The following DMD variants were observed in gnomAD, a reference collection of about 807,000 sequenced individuals.
The protein encoded by DMD is dystrophin, also known as mutant dystrophin.
DMD carries 63 observed loss-of-function variants against 330.1 expected under a neutral mutation model. The observed-to-expected ratio is 0.19, with a 90% CI of 0.16 to 0.24. The LOEUF (loss-of-function observed/expected upper bound fraction) is 0.24, where lower values mean the gene tolerates loss of function less well. DMD is among the 10% of genes least tolerant of loss of function. The pLI is 1.00. For synonymous variants in DMD, 1,223 were observed against 959.8 expected (o/e 1.27, Z -5.07); for missense variants, 3,344 against 2,684.1 (o/e 1.25, Z -5.43).
In DMD at chrX:33,136,389, G is replaced by A. The variant is rs770856640; in HGVS notation, c.31+74893C>T. On this transcript the variant is annotated intron_variant, in intron 1 of 78. Coordinates refer to ENST00000357033, the MANE Select transcript of DMD (RefSeq NM_004006.3). ...ATGCATACATTGTTAATGGAACAAT[G>A]CTGGGATACTAGATCGAAGAAGTAT... Among the ~76,000 whole-genome samples the A allele has an allele frequency of 2.1e-3, 209 of 99,902 alleles. 1 individual carries two copies. Among genetic ancestry groups the A allele is most frequent in the African/African-American group, 7.1e-3 (190 of 26,605 alleles). The allele number at this position is 99,902 out of a possible 115,157, so 86.8% of individuals were successfully genotyped here. A position where few individuals can be genotyped will look rare whatever the true frequency, so the allele number is the denominator to read the frequency against.
chrX:32,438,298 C>T lies in DMD; in HGVS notation c.4014G>A (p.Glu1338=), dbSNP rs752324539. The T allele has an allele frequency of 3.3e-6, 4 of 1,211,436 alleles. No homozygotes were observed. In the Middle Eastern group the frequency reaches 6.9e-4, roughly 209 times the overall value. Residue 1338 remains glutamate, a synonymous_variant, in exon 29 of 79, where the codon GAG becomes GAA. Transcript: ENST00000357033. The part of the protein sequence containing the change: ...QTLTDGGVMD[E]LINEELETFN... ...ATGTCTCAAGTTCCTCATTGATTAGCTCATCCATGACTCCGCCATCTGTTA... is the reference window on the plus strand; with the variant it reads ...ATGTCTCAAGTTCCTCATTGATTAGTTCATCCATGACTCCGCCATCTGTTA...
intron 7 of DMD, among the ~76,000 whole-genome samples, chrX:32,737,123 C>G (rs1211253167): frequency 9.1e-6 from 1 of 109,859 alleles, no homozygotes; most frequent in Admixed American, 9.7e-5. Context: ...ACCACCACCA[C>G]CAACAGCAAC....
At chrX:31,623,842 C>G (rs1420159056) in intron 55 of DMD, among the ~76,000 whole-genome samples, 4 of 110,990 alleles carry the variant, frequency 3.6e-5, no homozygotes, top group African/African-American at 1.3e-4. Context: ...AATTACACCA[C>G]CTTTATGAAC....
At chrX:31,749,237 C>T (rs2088179161) in intron 51 of DMD, among the ~76,000 whole-genome samples, 2 of 106,681 alleles carry the variant, frequency 1.9e-5, no homozygotes, top group Admixed American at 2.0e-4. Flanking sequence ...TGGCACGCTG[C>T]ACCCACTAAC....
At chrX:31,285,353 G>A (rs898193060) in intron 62 of DMD, among the ~76,000 whole-genome samples, 6 of 112,096 alleles carry the variant, frequency 5.4e-5, no homozygotes, top group African/African-American at 1.9e-4. Context: ...GTCCATGGAG[G>A]TGCCATTCTG....
chrX:32,396,675 C>T (rs896727466), intron 30 of DMD, among the ~76,000 whole-genome samples: 2 of 111,192 alleles, frequency 1.8e-5, no homozygotes, highest in African/African-American at 6.5e-5. Context: ...ATATACTTAA[C>T]ATATTCATTA....
intron 74 of DMD, among the ~76,000 whole-genome samples, chrX:31,162,931 T>C (rs1441333797): frequency 1.8e-5 from 2 of 112,046 alleles, no homozygotes; most frequent in African/African-American, 6.5e-5. Flanking sequence ...ACTTCTACCA[T>C]GTTCCTGTCC....
At chrX:33,009,365 T>C (rs1418863923) in intron 2 of DMD, among the ~76,000 whole-genome samples, 1 of 59,289 alleles carries the variant, frequency 1.7e-5, no homozygotes, top group Non-Finnish European at 3.1e-5. Context: ...TGTGTATATG[T>C]GTATATGTGT....
chrX:31,122,067 C>A (rs2032698193), intron 78 of DMD, 137 bp from the exon 79 acceptor site: 1 of 514,917 alleles, frequency 1.9e-6, no homozygotes, highest in South Asian at 2.8e-5. Flanking sequence ...AGGGTGTACA[C>A]AACAAGGTTT....
intron 7 of DMD, among the ~76,000 whole-genome samples, chrX:32,778,170 C>T (rs763748429): frequency 9.4e-6 from 1 of 106,634 alleles, no homozygotes; most frequent in Non-Finnish European, 1.9e-5. Context: ...AGGTAAGAAG[C>T]GTAGAGGATA....
intron 9 of DMD, among the ~76,000 whole-genome samples, chrX:32,692,367 G>A (rs764791201): frequency 2.7e-5 from 3 of 111,633 alleles, no homozygotes; most frequent in South Asian, 3.7e-4. Context: ...ATGTATAAAG[G>A]CTTCCTCGAA....
chrX:32,575,225 G>A (rs2052899593), intron 13 of DMD, among the ~76,000 whole-genome samples: 1 of 111,221 alleles, frequency 9.0e-6, no homozygotes, highest in African/African-American at 3.3e-5. Context: ...AAGTGACTAG[G>A]AGAGTCACGT....
intron 62 of DMD, among the ~76,000 whole-genome samples, chrX:31,295,337 A>AT (rs922638449): frequency 6.4e-5 from 7 of 108,638 alleles, no homozygotes; most frequent in Admixed American, 9.8e-5. Context: ...GTGTGTTAGC[A>AT]TTTTTTTTTC....
At chrX:32,325,797 C>T (rs2097647817) in intron 41 of DMD, among the ~76,000 whole-genome samples, 1 of 91,199 alleles carries the variant, frequency 1.1e-5, no homozygotes, top group African/African-American at 3.9e-5. Flanking sequence ...ATCTTAAGTA[C>T]TCAATTTTTT....
At chrX:31,811,737 G>T (rs1462419144) in intron 50 of DMD, among the ~76,000 whole-genome samples, 1 of 111,473 alleles carries the variant, frequency 9.0e-6, no homozygotes, top group African/African-American at 3.3e-5. Flanking sequence ...TTTTAGCAGA[G>T]AAATCATCTG....
chrX:31,716,761 G>A (rs1055746778), intron 52 of DMD, among the ~76,000 whole-genome samples: 5 of 68,931 alleles, frequency 7.3e-5, no homozygotes, highest in Non-Finnish European at 1.1e-4. Flanking sequence ...TATATCAGTC[G>A]TATATATAAA....
At chrX:32,250,307 T>G (rs2097258456) in intron 43 of DMD, among the ~76,000 whole-genome samples, 1 of 111,637 alleles carries the variant, frequency 9.0e-6, no homozygotes, top group Admixed American at 9.6e-5. Flanking sequence ...GTCTTCAAAG[T>G]GATAATATTC....
chrX:33,307,793 G>A (rs1480289134), intron 1 of DMD, among the ~76,000 whole-genome samples: 1 of 111,586 alleles, frequency 9.0e-6, no homozygotes, highest in East Asian at 2.8e-4. Flanking sequence ...CGCCTCTATT[G>A]TTAGGGTAGA....
intron 21 of DMD, among the ~76,000 whole-genome samples, chrX:32,479,190 T>C (rs1263138462): frequency 8.9e-6 from 1 of 111,788 alleles, no homozygotes; most frequent in African/African-American, 3.2e-5. Context: ...ATTTATGGGG[T>C]ATCATGTGAT....
Sources: allele counts gnomAD v4.1 joint callset (sites outside exome capture counted in the v4.1 genomes callset), GRCh38; gene constraint gnomAD v4.1.1; transcripts MANE v1.5; gene names NCBI Gene and HGNC (gene_info 2026-07-23, HGNC 2026-07-21).